ENPEP: variants seen among roughly 807,000 people sequenced by gnomAD.
The protein encoded by ENPEP is glutamyl aminopeptidase.
In ENPEP, 103 loss-of-function variants were observed where a neutral mutation model predicts 114.5. The observed-to-expected ratio is 0.90, with a 90% CI of 0.77 to 1.06. The LOEUF is 1.06. Ranked by LOEUF, ENPEP falls within the 50% of genes least tolerant of loss-of-function variation. The probability of loss-of-function intolerance (pLI) is 0.00; values close to 1 mark genes in which losing one functional copy is unlikely to be tolerated. For synonymous variants in ENPEP, 420 were observed against 422.0 expected, an observed-to-expected ratio of 1.00 and a Z score of 0.06; for missense variants, 1,196 against 1,161.3, an observed-to-expected ratio of 1.03 and a Z score of -0.43.
intron 2 of ENPEP, among the ~76,000 whole-genome samples, chr4:110,490,381 G>A (rs181380055): frequency 2.0e-5 from 3 of 152,178 alleles, no homozygotes; most frequent in Non-Finnish European, 2.9e-5. Context: ...GTGGCTGCAG[G>A]AGATGTGGAA....
intron 6 of ENPEP, among the ~76,000 whole-genome samples, chr4:110,512,107 A>G (rs1362953192): frequency 6.6e-6 from 1 of 152,218 alleles, no homozygotes; most frequent in Non-Finnish European, 1.5e-5. Context: ...CTCCAAAATG[A>G]ATAATGAATA....
At chr4:110,486,078 A>T (rs1218427001) in intron 1 of ENPEP, among the ~76,000 whole-genome samples, 1 of 152,200 alleles carries the variant, frequency 6.6e-6, no homozygotes, top group Non-Finnish European at 1.5e-5. Context: ...GCATCCACTG[A>T]TGATTTTTTA....
intron 17 of ENPEP, 91 bp from the exon 18 acceptor site, chr4:110,553,224 G>T: frequency 8.5e-7 from 1 of 1,175,096 alleles, no homozygotes; most frequent in Non-Finnish European, 1.2e-6. Context: ...GAATTGAATT[G>T]CTGGCATGAA....
intron 8 of ENPEP, 29 bp downstream of exon 8, chr4:110,515,471 A>G: frequency 6.6e-7 from 1 of 1,510,384 alleles, no homozygotes; most frequent in Non-Finnish European, 9.1e-7. Flanking sequence ...AGTGATATCA[A>G]AATTAAACTA....
intron 18 of ENPEP, 48 bp downstream of exon 18, chr4:110,553,503 C>CTGTA: frequency 6.5e-7 from 1 of 1,538,412 alleles, no homozygotes; most frequent in Non-Finnish European, 8.8e-7. Flanking sequence ...TTCATACTAT[C>CTGTA]TACTGGTTCC....
Position 110,476,760 on chromosome 4 carries a change from AC to A in ENPEP, c.347del (p.Thr116ArgfsTer4), listed in dbSNP as rs1307630732. ...VKPLLEEDTYTGTVSISINLS... is the reference protein window; with the variant it reads ...VKPLLEEDTYXGTVSISINLS... ...GCCCCTGTTGGAGGAGGACACCTAC[AC>A]GGGCACCGTGAGCATCTCCATCAAC... On this transcript the variant is annotated frameshift_variant, in exon 1 of 20. Transcript: ENST00000265162. LOFTEE classifies it high-confidence loss of function. The A allele has an allele frequency of 6.2e-7, 1 of 1,614,040 alleles. No homozygotes were observed. The highest frequency in any genetic ancestry group is 8.5e-7 in the Non-Finnish European group (1 of 1,180,048).
At chr4:110,537,186 GACA>G (rs1303330708) in intron 11 of ENPEP, among the ~76,000 whole-genome samples, 2 of 152,140 alleles carry the variant, frequency 1.3e-5, no homozygotes, top group Non-Finnish European at 2.9e-5. Flanking sequence ...CTTAAAATAA[GACA>G]ACACTGAAGT....
chr4:110,516,266 C>G (rs1725763064), intron 8 of ENPEP, among the ~76,000 whole-genome samples: 1 of 152,220 alleles, frequency 6.6e-6, no homozygotes. Flanking sequence ...ACACATCCCA[C>G]TTAAGCGTAT....
At chr4:110,510,877 C>G (rs1226055507) in intron 6 of ENPEP, among the ~76,000 whole-genome samples, 1 of 152,128 alleles carries the variant, frequency 6.6e-6, no homozygotes, top group East Asian at 1.9e-4. Flanking sequence ...TATCTGAGTC[C>G]ATTTTCTCCT....
chr4:110,524,244 G>C (rs948897090), intron 10 of ENPEP, among the ~76,000 whole-genome samples: 4 of 152,140 alleles, frequency 2.6e-5, no homozygotes, highest in African/African-American at 9.7e-5. Context: ...TCACTTAATA[G>C]GGGATGCTTC....
chr4:110,530,133 T>C (rs995508632), intron 10 of ENPEP, among the ~76,000 whole-genome samples: 6 of 151,968 alleles, frequency 3.9e-5, no homozygotes, highest in African/African-American at 1.4e-4. Context: ...GCACTGACAG[T>C]GTCCACTATA....
intron 3 of ENPEP, among the ~76,000 whole-genome samples, chr4:110,505,423 C>T (rs1725336794): frequency 6.6e-6 from 1 of 151,994 alleles, no homozygotes; most frequent in Non-Finnish European, 1.5e-5. Flanking sequence ...ATGCCAGTTA[C>T]CTAGTGGATG....
chr4:110,484,909 T>G (rs1724447996), intron 1 of ENPEP, among the ~76,000 whole-genome samples: 1 of 142,204 alleles, frequency 7.0e-6, no homozygotes, highest in Non-Finnish European at 1.6e-5. Context: ...AAGATGTGTG[T>G]GGTGCGCGCA....
In ENPEP at chr4:110,520,238, A is replaced by C. The variant is rs371587107; in HGVS notation, c.1599A>C (p.Glu533Asp). The change falls in exon 10 of 20, where the codon GAA becomes GAC. Residue 533 changes from glutamate to aspartate, a missense_variant. Glu to Asp is a conservative substitution (Grantham distance 45). Coordinates refer to ENST00000265162, the MANE Select transcript of ENPEP (RefSeq NM_001977.4). ...AGGCAAGTAGGCTACCAGTGAAAGA[A>C]GTAATGGACACCTGGACCAGACAGA... ...LEEASRLPVK[E>D]VMDTWTRQMG... The C allele has an allele frequency of 2.5e-6, 4 of 1,614,036 alleles. No homozygotes were observed. The highest frequency in any genetic ancestry group is 3.4e-6 in the Non-Finnish European group (4 of 1,179,920).
rs1199391371 is a variant in ENPEP, at chr4:110,513,549, G to A, written c.1443G>A (p.Lys481=). The change falls in exon 7 of 20, where the codon AAG becomes AAA. Residue 481 remains lysine, a splice_region_variant and synonymous_variant. Transcript: ENST00000265162. ...TSVFDGISYS[K]GSSILRMLED... ...TTTTTGATGGAATATCCTATAGCAA[G>A]GTGGGAGAAATAGAACATTGTTTTG... The A allele has an allele frequency of 1.2e-6, 2 of 1,610,930 alleles. No homozygotes were observed. Among genetic ancestry groups the A allele is most frequent in the East Asian group, 4.5e-5 (2 of 44,712 alleles).
Position 110,558,071 on chromosome 4 carries a change from G to A in ENPEP, c.2643-1576G>A, listed in dbSNP as rs569589888. 3.7e-3 allele frequency among the ~76,000 whole-genome samples: 126 copies of A among 34,364 alleles called. 1 individual carries two copies. The highest frequency in any genetic ancestry group is 2.4e-3 in the Non-Finnish European group (45 of 19,138). 22.5% of individuals were successfully genotyped at this position (34,364 alleles called of 152,430 possible). A position where few individuals can be genotyped will look rare whatever the true frequency, so the allele number is the denominator to read the frequency against. ...TTGTATAAAACTCTTTTGTTACCCAGACTAGCCTTGAACTCCTGGGCTCAG... is the reference window on the plus strand; with the variant it reads ...TTGTATAAAACTCTTTTGTTACCCAAACTAGCCTTGAACTCCTGGGCTCAG... On this transcript the variant is annotated intron_variant, in intron 18 of 19. Coordinates refer to ENST00000265162, the MANE Select transcript of ENPEP (RefSeq NM_001977.4).
intron 2 of ENPEP, among the ~76,000 whole-genome samples, chr4:110,489,426 G>T (rs2110337109): frequency 6.6e-6 from 1 of 152,204 alleles, no homozygotes; most frequent in East Asian, 1.9e-4. Flanking sequence ...GGGGCTAGGG[G>T]AGCGACAGCA....
rs902885919 is a variant in ENPEP, at chr4:110,563,629, G to C, written c.*2071G>C. The C allele has an allele frequency of 2.0e-5, 3 of 151,934 alleles. No individual in the cohort carries two copies. Among genetic ancestry groups the C allele is most frequent in the Non-Finnish European group, 2.9e-5 (2 of 67,958 alleles). The allele number at this position is 151,934 out of a possible 1,614,324, so 9.4% of individuals were successfully genotyped here. A position where few individuals can be genotyped will look rare whatever the true frequency, so the allele number is the denominator to read the frequency against. Reference sequence around the variant, plus strand: ...TTTAATATGATGTTTCCAAAATTAAGCCACAGTAAATTTAAATAATTAATT... The same window carrying C: ...TTTAATATGATGTTTCCAAAATTAACCCACAGTAAATTTAAATAATTAATT... On this transcript the variant is annotated 3_prime_UTR_variant, in exon 20 of 20. Transcript: ENST00000265162.
intron 8 of ENPEP, among the ~76,000 whole-genome samples, chr4:110,518,089 G>A (rs1215169554): frequency 6.6e-6 from 1 of 152,122 alleles, no homozygotes; most frequent in Non-Finnish European, 1.5e-5. Flanking sequence ...CTGGCCATTT[G>A]TCTATTCTCT....
Sources: gnomAD v4.1 joint callset for allele counts (sites outside exome capture counted in the v4.1 genomes callset) on GRCh38, gnomAD v4.1.1 for gene constraint, MANE v1.5 for transcripts, NCBI Gene and HGNC (gene_info 2026-07-23, HGNC 2026-07-21) for gene names.